The following EP300 variants were observed in gnomAD, a reference collection of about 807,000 sequenced individuals.
EP300 encodes histone acetyltransferase p300.
A neutral mutation model predicts 264.0 loss-of-function variants in EP300; 31 were observed. The observed-to-expected ratio is 0.12, with a 90% CI of 0.09 to 0.16. EP300 has a LOEUF of 0.16. Ranked by LOEUF, EP300 falls within the 10% of genes least tolerant of loss-of-function variation. EP300 has a pLI of 1.00. For missense variants in EP300, 2,766 were observed against 3,052.9 expected, an observed-to-expected ratio of 0.91 and a Z score of 2.21; for synonymous variants, 1,340 against 1,045.4, an observed-to-expected ratio of 1.28 and a Z score of -5.44.
At position 41,178,008 on chromosome 22, in the gene EP300, C is replaced by T; in HGVS notation, c.6297C>T (p.Pro2099=). 1.2e-6 allele frequency: 2 copies of T among 1,614,202 alleles called. No homozygotes were observed. The highest frequency in any genetic ancestry group is 1.7e-6 in the Non-Finnish European group (2 of 1,180,022). ...AGTATGCCAACTCTAATCCACAACC[C>T]ATCCCTGGGCAGCCTGGCATGCCCC... is the stretch of plus-strand genomic sequence containing the variant. ...AAKYANSNPQ[P]IPGQPGMPQG... is the part of the protein sequence containing the mutation. The change falls in exon 31 of 31, where the codon CCC becomes CCT. Residue 2099 remains proline, a synonymous_variant. Coordinates refer to ENST00000263253, the MANE Select transcript of EP300 (RefSeq NM_001429.4).
intron 12 of EP300, among the ~76,000 whole-genome samples, chr22:41,148,447 C>A (rs571215892): frequency 6.6e-6 from 1 of 152,260 alleles, no homozygotes; most frequent in East Asian, 1.9e-4. Flanking sequence ...ACAGGGAGTT[C>A]TGTCCTTCAT....
intron 13 of EP300, 114 bp from the exon 14 acceptor site, chr22:41,149,647 A>G: frequency 1.8e-6 from 2 of 1,107,080 alleles, no homozygotes; most frequent in Non-Finnish European, 2.7e-6. Context: ...AAATAGACAC[A>G]TTGCTACTCT....
At position 41,151,857 on chromosome 22, in the gene EP300, G is replaced by A; in HGVS notation, c.2842G>A (p.Glu948Lys). ...TPLSQPAVSIEGQVSNPPSTS... is the reference protein window; with the variant it reads ...TPLSQPAVSIKGQVSNPPSTS... The stretch of plus-strand genomic sequence containing the variant: ...GCTTTCCCAGCCAGCTGTAAGCATT[G>A]AAGGACAGGTATCAAATCCTCCATC... Residue 948 changes from glutamate (E) to lysine (K), a missense_variant, in exon 15 of 31, where the codon GAA becomes AAA. Coordinates refer to ENST00000263253, the MANE Select transcript of EP300 (RefSeq NM_001429.4). 5 of 1,614,052 alleles carry A rather than the reference G, an allele frequency of 3.1e-6. No individual in the cohort carries two copies. The highest frequency in any genetic ancestry group is 1.7e-6 in the Non-Finnish European group (2 of 1,180,014).
chr22:41,127,829 G>C, intron 4 of EP300, 81 bp downstream of exon 4: 1 of 1,560,336 alleles, frequency 6.4e-7, no homozygotes, highest in South Asian at 1.1e-5. Context: ...AGTCTATTTT[G>C]TGGTGATGGA....
In EP300 at chr22:41,146,926, C is replaced by T. The variant is rs555387807; in HGVS notation, c.2131+110C>T. On this transcript the variant is annotated intron_variant, in intron 11 of 30. Coordinates refer to ENST00000263253, the MANE Select transcript of EP300 (RefSeq NM_001429.4). ...TGCCAACAGCAAGTGTCATGATTACCTGCCCATAGAGGAAGAGGGGGTGAA... is the reference window on the plus strand; with the variant it reads ...TGCCAACAGCAAGTGTCATGATTACTTGCCCATAGAGGAAGAGGGGGTGAA... 2.3e-5 allele frequency: 22 copies of T among 947,980 alleles called. No homozygotes were observed. In the African/African-American group the frequency reaches 3.1e-4, roughly 13 times the overall value. 58.7% of individuals were successfully genotyped at this position (947,980 alleles called of 1,614,324 possible).
Position 41,170,386 on chromosome 22 carries a change from C to A in EP300, c.4287-20C>A, listed in dbSNP as rs778959566. Reference sequence around the variant, plus strand: ...TAGATTATCTCTTTTCCTTAATGTTCTTTCTCTTTGTATTGTTAGTTACAC... The same window carrying A: ...TAGATTATCTCTTTTCCTTAATGTTATTTCTCTTTGTATTGTTAGTTACAC... On this transcript the variant is annotated intron_variant, in intron 26 of 30. Coordinates refer to ENST00000263253, the MANE Select transcript of EP300 (RefSeq NM_001429.4). 1 of 1,609,790 alleles carries A rather than the reference C, an allele frequency of 6.2e-7. No individual in the cohort carries two copies. The highest frequency in any genetic ancestry group is 2.2e-5 in the East Asian group (1 of 44,850).
chr22:41,124,828 A>G (rs1413191958), intron 2 of EP300, among the ~76,000 whole-genome samples: 1 of 151,518 alleles, frequency 6.6e-6, no homozygotes, highest in Non-Finnish European at 1.5e-5. Context: ...TATTTCAAAT[A>G]TTTATGAAAA....
At chr22:41,099,853 AG>A (rs1304249316) in intron 1 of EP300, among the ~76,000 whole-genome samples, 1 of 152,168 alleles carries the variant, frequency 6.6e-6, no homozygotes, top group East Asian at 1.9e-4. Context: ...TAGTTTATAC[AG>A]GTGAATACAT....
Position 41,152,193 on chromosome 22 carries a change from C to T in EP300, c.2998-13C>T, listed in dbSNP as rs201289885. The T allele has an allele frequency of 4.0e-5, 64 of 1,613,296 alleles. No individual in the cohort carries two copies. Among genetic ancestry groups the T allele is most frequent in the Middle Eastern group, 1.7e-4 (1 of 6,060 alleles). On this transcript the variant is annotated splice_polypyrimidine_tract_variant and intron_variant, in intron 15 of 30. Transcript: ENST00000263253. ...ATCTTTGGAATACTAAAAATTCTTA[C>T]GTTTTCTTTTAGTCTAAAGTGGAAG... is the stretch of plus-strand genomic sequence containing the variant.
chr22:41,135,943 A>G, intron 7 of EP300, 37 bp downstream of exon 7: 1 of 1,409,526 alleles, frequency 7.1e-7, no homozygotes, highest in Non-Finnish European at 1.0e-6. Flanking sequence ...GGGTCACATT[A>G]CAAATACTAC....
intron 5 of EP300, among the ~76,000 whole-genome samples, chr22:41,130,680 G>A (rs1468518138): frequency 6.6e-6 from 1 of 152,032 alleles, no homozygotes; most frequent in Admixed American, 6.6e-5. Flanking sequence ...TTTAAAGACC[G>A]TTGCTTTGGC....
At chr22:41,110,571 T>C (rs976209254) in intron 1 of EP300, among the ~76,000 whole-genome samples, 2 of 151,994 alleles carry the variant, frequency 1.3e-5, no homozygotes, top group African/African-American at 4.8e-5. Context: ...GTGCTGGGAT[T>C]GCAGATGTGA....
At chr22:41,155,296 G>A (rs767881936) in intron 17 of EP300, among the ~76,000 whole-genome samples, 183 bp downstream of exon 17, 3 of 151,662 alleles carry the variant, frequency 2.0e-5, no homozygotes, top group Admixed American at 6.6e-5. Context: ...TGGCACGATC[G>A]TGGCTCACTA....
Position 41,129,220 on chromosome 22 carries a change from C to T in EP300, c.1169-670C>T, listed in dbSNP as rs1335919375. Among the ~76,000 whole-genome samples, 4 of 151,886 alleles carry T rather than the reference C, an allele frequency of 2.6e-5. No individual in the cohort carries two copies. In the South Asian group the frequency reaches 6.2e-4, roughly 24 times the overall value. ...TAGAGACGGGGTTTCACTGTGTTAG[C>T]CAGGATGGTCTCTATCTCCTGACCT... On this transcript the variant is annotated intron_variant, in intron 4 of 30. Coordinates refer to ENST00000263253, the MANE Select transcript of EP300 (RefSeq NM_001429.4).
Position 41,177,095 on chromosome 22 carries a change from A to G in EP300, c.5384A>G (p.His1795Arg). The change falls in exon 31 of 31, where the codon CAC becomes CGC. Residue 1795 changes from histidine to arginine, a missense_variant. By Grantham distance (29) the His-to-Arg change is conservative. Coordinates refer to ENST00000263253, the MANE Select transcript of EP300 (RefSeq NM_001429.4). ...GCCCTCTGCTGCTACCATGCCAAGC[A>G]CTGCCAGGAGAACAAATGCCCGGTG... ...LIALCCYHAKHCQENKCPVPF... is the reference protein window; with the variant it reads ...LIALCCYHAKRCQENKCPVPF... The G allele has an allele frequency of 6.2e-7, 1 of 1,614,142 alleles. No individual in the cohort carries two copies. The highest frequency in any genetic ancestry group is 8.5e-7 in the Non-Finnish European group (1 of 1,180,012).
At chr22:41,124,355 T>C (rs1278672910) in intron 2 of EP300, among the ~76,000 whole-genome samples, 1 of 152,164 alleles carries the variant, frequency 6.6e-6, no homozygotes, top group African/African-American at 2.4e-5. Context: ...CAAGGAATAG[T>C]GTGGAGTCTG....
At position 41,178,205 on chromosome 22, in the gene EP300, C is replaced by T. The variant is rs138656422; in HGVS notation, c.6494C>T (p.Ala2165Val). 1.2e-6 allele frequency: 2 copies of T among 1,613,966 alleles called. No individual in the cohort carries two copies. The highest frequency in any genetic ancestry group is 2.7e-5 in the African/African-American group (2 of 74,976). Residue 2165 changes from alanine to valine, a missense_variant, in exon 31 of 31, where the codon GCT becomes GTT. Coordinates refer to ENST00000263253, the MANE Select transcript of EP300 (RefSeq NM_001429.4). The stretch of plus-strand genomic sequence containing the variant: ...CCCATGGGAGGGATGAGCCCCCAGG[C>T]TCAGCAGATGAACATGAACCACAAC... ...QPPMGGMSPQ[A>V]QQMNMNHNTM...
At chr22:41,107,002 G>T (rs1312288400) in intron 1 of EP300, among the ~76,000 whole-genome samples, 1 of 152,120 alleles carries the variant, frequency 6.6e-6, no homozygotes. Flanking sequence ...CGCCTCCAAG[G>T]TTCGGGTGAT....
At chr22:41,153,309 C>T (rs1442732919) in intron 16 of EP300, among the ~76,000 whole-genome samples, 4 of 152,128 alleles carry the variant, frequency 2.6e-5, no homozygotes, top group Non-Finnish European at 4.4e-5. Context: ...TCTGCTGGCT[C>T]TTACAGATGA....
Sources: allele counts gnomAD v4.1 joint callset (sites outside exome capture counted in the v4.1 genomes callset), GRCh38; gene constraint gnomAD v4.1.1; transcripts MANE v1.5; gene names NCBI Gene and HGNC (gene_info 2026-07-23, HGNC 2026-07-21).